SEC11A: variants seen among roughly 807,000 people sequenced by gnomAD.
The protein encoded by SEC11A is SEC11 homolog A, signal peptidase complex subunit, also known as signal peptidase complex catalytic subunit SEC11A.
SEC11A carries 14 observed loss-of-function variants against 25.6 expected under a neutral mutation model. The observed-to-expected ratio is 0.55, with a 90% CI of 0.36 to 0.85. The LOEUF is 0.85. Among genes scored for constraint, SEC11A ranks in the 40% least tolerant of loss-of-function variants. SEC11A has a pLI of 0.01. For synonymous variants in SEC11A, 83 were observed against 76.4 expected (o/e 1.09, Z -0.45); for missense variants, 153 against 222.9 (o/e 0.69, Z 2.00).
chr15:84,692,297 G>T (rs940682019), intron 1 of SEC11A, among the ~76,000 whole-genome samples: 2 of 151,916 alleles, frequency 1.3e-5, no homozygotes, highest in Admixed American at 6.6e-5. Context: ...CTCCTAAAGG[G>T]CTGGGATTAC....
chr15:84,714,574 G>A (rs1025410772), intron 1 of SEC11A, among the ~76,000 whole-genome samples: 1 of 152,200 alleles, frequency 6.6e-6, no homozygotes, highest in Non-Finnish European at 1.5e-5. Flanking sequence ...GCACAGACAG[G>A]TTAAGTAATC....
chr15:84,673,396 T>C, intron 4 of SEC11A: 1 of 196,538 alleles, frequency 5.1e-6, no homozygotes, highest in South Asian at 8.2e-5. Context: ...ACTTTTCATT[T>C]TGTTCTGTAC....
chr15:84,691,200 G>C (rs1283081042), intron 2 of SEC11A, among the ~76,000 whole-genome samples: 2 of 150,074 alleles, frequency 1.3e-5, no homozygotes, highest in Non-Finnish European at 3.0e-5. Flanking sequence ...TCAGCCTCCC[G>C]AGTAGCTGAG....
chr15:84,710,481 A>T (rs1308841335), intron 1 of SEC11A, among the ~76,000 whole-genome samples: 1 of 152,072 alleles, frequency 6.6e-6, no homozygotes, highest in Non-Finnish European at 1.5e-5. Flanking sequence ...TAAAAAAAAT[A>T]CAAAAATTAG....
intron 4 of SEC11A, 154 bp from the exon 5 acceptor site, chr15:84,670,936 C>T (rs1896967628): frequency 2.3e-6 from 1 of 433,190 alleles, no homozygotes; most frequent in Non-Finnish European, 4.2e-6. Context: ...TGCAAAAGCC[C>T]AAGTGATAGG....
intron 1 of SEC11A, among the ~76,000 whole-genome samples, chr15:84,708,279 G>GTGATGTTC (rs1328360365): frequency 2.0e-5 from 3 of 147,512 alleles, no homozygotes; most frequent in Non-Finnish European, 4.5e-5. Flanking sequence ...AATTTTACTT[G>GTGATGTTC]TGATGTTCTT....
At chr15:84,714,523 T>C (rs1181773828) in intron 1 of SEC11A, among the ~76,000 whole-genome samples, 1 of 152,226 alleles carries the variant, frequency 6.6e-6, no homozygotes, top group African/African-American at 2.4e-5. Flanking sequence ...ATGGAATATT[T>C]TATGTTGCAT....
chr15:84,687,371 G>C (rs1022667914), intron 3 of SEC11A, among the ~76,000 whole-genome samples: 9 of 152,176 alleles, frequency 5.9e-5, no homozygotes, highest in Non-Finnish European at 1.0e-4. Context: ...TATATACAGA[G>C]TCACTGACAG....
chr15:84,691,461 C>T (rs1897604009), intron 2 of SEC11A, 74 bp downstream of exon 2: 2 of 794,572 alleles, frequency 2.5e-6, no homozygotes, highest in Non-Finnish European at 2.1e-6. Context: ...AATGATATGC[C>T]AGTTATTTCA....
At chr15:84,697,400 T>C (rs1897799566) in intron 1 of SEC11A, among the ~76,000 whole-genome samples, 1 of 152,220 alleles carries the variant, frequency 6.6e-6, no homozygotes, top group Non-Finnish European at 1.5e-5. Context: ...GGAATTATTA[T>C]TGTGAAATGT....
At chr15:84,684,406 G>A (rs971282194) in intron 3 of SEC11A, among the ~76,000 whole-genome samples, 3 of 152,224 alleles carry the variant, frequency 2.0e-5, no homozygotes, top group East Asian at 3.9e-4. Flanking sequence ...CTTGCCTGCC[G>A]ACATGTACAA....
intron 4 of SEC11A, chr15:84,672,973 A>C (rs1055096456): frequency 8.8e-6 from 2 of 227,356 alleles, no homozygotes; most frequent in Non-Finnish European, 1.8e-5. Flanking sequence ...AGAAGTGAGG[A>C]GACCCTCTGC....
intron 4 of SEC11A, 102 bp from the exon 5 acceptor site, chr15:84,670,884 A>T (rs1896965685): frequency 1.8e-6 from 1 of 546,278 alleles, no homozygotes; most frequent in African/African-American, 2.0e-5. Context: ...ACTAATTTTC[A>T]ATTCACAAAG....
At chr15:84,714,262 C>A (rs2141934172) in intron 1 of SEC11A, among the ~76,000 whole-genome samples, 1 of 152,326 alleles carries the variant, frequency 6.6e-6, no homozygotes, top group South Asian at 2.1e-4. Context: ...GATCCGCCTG[C>A]CTCAGCCTCC....
intron 3 of SEC11A, chr15:84,685,866 G>A (rs1286292216): frequency 1.5e-5 from 2 of 137,078 alleles, no homozygotes; most frequent in Non-Finnish European, 3.0e-5. Context: ...GCAGTGGCGT[G>A]ATCTCAGCTC....
chr15:84,715,192 A>G (rs1285671156), intron 1 of SEC11A, among the ~76,000 whole-genome samples: 1 of 152,178 alleles, frequency 6.6e-6, no homozygotes, highest in Non-Finnish European at 1.5e-5. Flanking sequence ...CAGGATAATC[A>G]TAACAGTAAA....
chr15:84,703,502 T>C (rs1353293406), intron 1 of SEC11A, among the ~76,000 whole-genome samples: 1 of 152,192 alleles, frequency 6.6e-6, no homozygotes, highest in African/African-American at 2.4e-5. Context: ...ACTTTAGGCC[T>C]GATTTGTGAT....
At chr15:84,711,141 G>A (rs1294264930) in intron 1 of SEC11A, among the ~76,000 whole-genome samples, 2 of 151,766 alleles carry the variant, frequency 1.3e-5, no homozygotes, top group East Asian at 3.9e-4. Context: ...CCAGCTCTTT[G>A]GGAGGCTGAG....
At chr15:84,705,316 C>T (rs576716887) in intron 1 of SEC11A, among the ~76,000 whole-genome samples, 85 of 152,282 alleles carry the variant, frequency 5.6e-4, no homozygotes, top group African/African-American at 2.0e-3. Context: ...ATTACTGCTA[C>T]AGTTACTGTC....
Sources: gnomAD v4.1 joint callset for allele counts (sites outside exome capture counted in the v4.1 genomes callset) on GRCh38, gnomAD v4.1.1 for gene constraint, MANE v1.5 for transcripts, NCBI Gene and HGNC (gene_info 2026-07-23, HGNC 2026-07-21) for gene names.